The following ACTA2 variants were observed in gnomAD, a reference collection of about 807,000 sequenced individuals.
ACTA2 encodes actin, aortic smooth muscle.
ACTA2 carries 12 observed loss-of-function variants against 39.5 expected under a neutral mutation model. That is an observed-to-expected ratio of 0.30 (90% CI 0.19 to 0.49). The LOEUF (loss-of-function observed/expected upper bound fraction) is 0.49. ACTA2 is among the 20% of genes least tolerant of loss of function. The pLI is 0.99. For synonymous variants in ACTA2, 158 were observed against 180.6 expected, an observed-to-expected ratio of 0.88 and a Z score of 1.00; for missense variants, 236 against 498.8, an observed-to-expected ratio of 0.47 and a Z score of 5.02.
intron 2 of ACTA2, among the ~76,000 whole-genome samples, chr10:88,948,066 T>C (rs1232728709): frequency 6.6e-6 from 1 of 152,178 alleles, no homozygotes; most frequent in African/African-American, 2.4e-5. Context: ...AAAACAGCCA[T>C]GGCTACTATG....
At chr10:88,954,336 C>T (rs955275652), upstream of ACTA2, among the ~76,000 whole-genome samples, 3 of 152,032 alleles carry the variant, frequency 2.0e-5, no homozygotes, top group East Asian at 1.9e-4. Flanking sequence ...CTATACTGCT[C>T]GGGATTTGTC....
At chr10:88,989,595 G>C (rs1847045562) in intron 1 of ACTA2, 1 of 538,374 alleles carries the variant, frequency 1.9e-6, no homozygotes, top group Admixed American at 1.9e-5. Context: ...TGCAGTGACA[G>C]ATGCAAAACA....
chr10:88,947,120 C>T (rs1845965857), intron 3 of ACTA2, 138 bp downstream of exon 3: 8 of 1,288,574 alleles, frequency 6.2e-6, no homozygotes, highest in Admixed American at 4.2e-5. Flanking sequence ...GGTAATAACC[C>T]AGAATGAACA....
chr10:88,987,350 G>A (rs1335485977), intron 1 of ACTA2, among the ~76,000 whole-genome samples: 1 of 152,216 alleles, frequency 6.6e-6, no homozygotes, highest in African/African-American at 2.4e-5. Flanking sequence ...TAAGAATCTA[G>A]CTTAAGCAGA....
At chr10:88,974,867 T>C (rs927700161) in intron 1 of ACTA2, 3 of 152,200 alleles carry the variant, frequency 2.0e-5, no homozygotes, top group Non-Finnish European at 2.9e-5. Context: ...ACTATAGTAC[T>C]ATATAGCGCT....
At chr10:88,935,895 T>C (rs1371233529) in intron 8 of ACTA2, among the ~76,000 whole-genome samples, 2 of 152,184 alleles carry the variant, frequency 1.3e-5, no homozygotes, top group Non-Finnish European at 2.9e-5. Context: ...TCCCTTGCAA[T>C]AGGTGCCTCT....
At chr10:88,939,863 C>A in intron 6 of ACTA2, 165 bp from the exon 7 acceptor site, 1 of 703,476 alleles carries the variant, frequency 1.4e-6, no homozygotes, top group Non-Finnish European at 2.5e-6. Flanking sequence ...GTAGTAGGGC[C>A]ACCAGGGAAC....
intron 8 of ACTA2, among the ~76,000 whole-genome samples, chr10:88,935,752 A>T (rs1039202455): frequency 1.3e-5 from 2 of 152,226 alleles, no homozygotes; most frequent in African/African-American, 4.8e-5. Flanking sequence ...ACCCTAGCCT[A>T]TTCAAAGGAG....
intron 1 of ACTA2, among the ~76,000 whole-genome samples, chr10:88,951,891 C>T (rs1846056436): frequency 6.6e-6 from 1 of 152,212 alleles, no homozygotes; most frequent in Non-Finnish European, 1.5e-5. Flanking sequence ...CTGAAGCTGC[C>T]AAACCTTGAT....
intron 6 of ACTA2, chr10:88,940,646 G>A (rs555923401): frequency 6.4e-5 from 11 of 170,816 alleles, no homozygotes; most frequent in Non-Finnish European, 1.3e-4. Context: ...TGGGTGCACC[G>A]GCTTAGAATC....
chr10:88,968,176 G>T (rs746984335), intron 1 of ACTA2, among the ~76,000 whole-genome samples: 8 of 152,084 alleles, frequency 5.3e-5, no homozygotes, highest in Non-Finnish European at 7.4e-5. Context: ...TATTTAAATC[G>T]CTAAAAACTG....
At chr10:88,986,023 T>C (rs1846871489) in intron 1 of ACTA2, among the ~76,000 whole-genome samples, 1 of 152,228 alleles carries the variant, frequency 6.6e-6, no homozygotes, top group South Asian at 2.1e-4. Context: ...GGTTATAATG[T>C]AATGTTTTAT....
intron 1 of ACTA2, among the ~76,000 whole-genome samples, chr10:88,978,481 C>A (rs889430068): frequency 6.6e-6 from 1 of 152,156 alleles, no homozygotes; most frequent in African/African-American, 2.4e-5. Context: ...GTTGAGAAAA[C>A]ATAACTGTGA....
chr10:88,942,869 T>C (rs1053548493), intron 4 of ACTA2, among the ~76,000 whole-genome samples: 3 of 152,214 alleles, frequency 2.0e-5, no homozygotes, highest in Non-Finnish European at 4.4e-5. Context: ...GCTAGTGGGT[T>C]GGTGCAAGCA....
chr10:88,946,294 T>TTTTC (rs1845946935), intron 3 of ACTA2, among the ~76,000 whole-genome samples: 1 of 150,860 alleles, frequency 6.6e-6, no homozygotes, highest in Non-Finnish European at 1.5e-5. Flanking sequence ...TTTTTTTTTT[T>TTTTC]CAGTAGAAAC....
At chr10:88,982,470 A>AATATG (rs1284871376) in intron 1 of ACTA2, among the ~76,000 whole-genome samples, 1 of 152,070 alleles carries the variant, frequency 6.6e-6, no homozygotes, top group Non-Finnish European at 1.5e-5. Context: ...TAAATGGCAG[A>AATATG]ATATGTGGTA....
chr10:88,952,958 C>T (rs1481922211), upstream of ACTA2, among the ~76,000 whole-genome samples: 1 of 152,246 alleles, frequency 6.6e-6, no homozygotes, highest in Non-Finnish European at 1.5e-5. Flanking sequence ...CTGCATTCCA[C>T]TGGTCTGCTC....
At chr10:88,967,792 C>T (rs1432966414) in intron 1 of ACTA2, among the ~76,000 whole-genome samples, 2 of 152,202 alleles carry the variant, frequency 1.3e-5, no homozygotes, top group Admixed American at 6.5e-5. Flanking sequence ...ATGGCTCACA[C>T]ACCAGAACTC....
At chr10:88,935,521 G>T in intron 8 of ACTA2, 155 bp from the exon 9 acceptor site, 2 of 825,002 alleles carry the variant, frequency 2.4e-6, no homozygotes, top group Non-Finnish European at 3.9e-6. Context: ...TCCTAATTGT[G>T]TCATGTTCTT....
Sources: allele counts gnomAD v4.1 joint callset (sites outside exome capture counted in the v4.1 genomes callset), GRCh38; gene constraint gnomAD v4.1.1; transcripts MANE v1.5; gene names NCBI Gene and HGNC (gene_info 2026-07-23, HGNC 2026-07-21).